Variants in VPS8 observed in about 807,000 individuals in gnomAD.
VPS8 encodes the protein VPS8 subunit of CORVET complex.
Under a neutral mutation model 216.4 loss-of-function variants are expected in VPS8, and 129 were observed. The ratio of observed to expected loss-of-function variants is 0.60; its 90% CI spans 0.52 to 0.69. VPS8 has a LOEUF of 0.69. VPS8 is among the 30% of genes least tolerant of loss of function. The pLI, the probability that VPS8 is intolerant of heterozygous loss-of-function variation, is 0.00. For missense variants in VPS8, 1,531 were observed against 1,683.5 expected, an observed-to-expected ratio of 0.91 and a Z score of 1.59; for synonymous variants, 571 against 565.4, an observed-to-expected ratio of 1.01 and a Z score of -0.14.
chr3:184,924,861 G>T lies in VPS8; in HGVS notation c.2455-1G>T. The T allele has an allele frequency of 6.2e-7, 1 of 1,611,342 alleles. No homozygotes were observed. The highest frequency in any genetic ancestry group is 8.5e-7 in the Non-Finnish European group (1 of 1,179,252). On this transcript the variant is annotated splice_acceptor_variant, in intron 29 of 47. Coordinates refer to ENST00000625842, the MANE Select transcript of VPS8 (RefSeq NM_001009921.3). LOFTEE classifies it high-confidence loss of function. ...AATAAATGGTCTCCTTTGCTCTTCA[G>T]GTTATGGTGGAGAATTCAGACTTTA... is the stretch of plus-strand genomic sequence containing the variant.
At chr3:184,988,801 G>A (rs1043952503) in intron 42 of VPS8, among the ~76,000 whole-genome samples, 1 of 152,126 alleles carries the variant, frequency 6.6e-6, no homozygotes, top group East Asian at 1.9e-4. Context: ...ATTTCTCCAT[G>A]TATTTAGATC....
intron 39 of VPS8, among the ~76,000 whole-genome samples, chr3:184,967,429 TAC>T (rs1279709694): frequency 1.3e-5 from 2 of 152,206 alleles, no homozygotes; most frequent in East Asian, 3.8e-4. Flanking sequence ...ACCGAATTTA[TAC>T]AGTTTTAACC....
intron 31 of VPS8, among the ~76,000 whole-genome samples, chr3:184,927,916 G>A (rs1578284898): frequency 6.6e-6 from 1 of 152,124 alleles, no homozygotes; most frequent in Admixed American, 6.5e-5. Context: ...TCTTCCTACT[G>A]AACAGTATTC....
chr3:185,030,523 C>T (rs369662478), intron 46 of VPS8, among the ~76,000 whole-genome samples: 96 of 152,234 alleles, frequency 6.3e-4, no homozygotes, highest in East Asian at 4.1e-3. Flanking sequence ...GGACAATGCA[C>T]AGGGAATGAG....
chr3:184,836,731 A>G (rs1236073950), intron 5 of VPS8, among the ~76,000 whole-genome samples: 2 of 152,180 alleles, frequency 1.3e-5, no homozygotes, highest in African/African-American at 2.4e-5. Flanking sequence ...TTCTCCCTGA[A>G]TAATTGCTCA....
chr3:184,835,849 A>G (rs373704655), intron 5 of VPS8, among the ~76,000 whole-genome samples: 1 of 151,628 alleles, frequency 6.6e-6, no homozygotes, highest in Non-Finnish European at 1.5e-5. Context: ...AGCTGGGACT[A>G]CAGGCGCCTG....
chr3:185,028,395 G>A (rs1757678596), intron 46 of VPS8, among the ~76,000 whole-genome samples: 1 of 152,180 alleles, frequency 6.6e-6, no homozygotes, highest in Non-Finnish European at 1.5e-5. Context: ...TGTCAGAAAT[G>A]GGAATGGTTC....
Position 184,896,003 on chromosome 3 carries a change from C to T in VPS8, c.2004+1078C>T, listed in dbSNP as rs528540607. Among the ~76,000 whole-genome samples the T allele has an allele frequency of 2.0e-5, 3 of 151,832 alleles. No individual in the cohort carries two copies. The South Asian group carries it at 6.2e-4, about 32-fold the overall frequency. ...TGTTACTCCTGCAAAGGTGCCAAGC[C>T]CTCTTGAGCTTGAATATGGAAGACT... On this transcript the variant is annotated intron_variant, in intron 23 of 47. Coordinates refer to ENST00000625842, the MANE Select transcript of VPS8 (RefSeq NM_001009921.3).
chr3:184,956,210 G>A (rs1358042632), intron 36 of VPS8, among the ~76,000 whole-genome samples: 1 of 152,102 alleles, frequency 6.6e-6, no homozygotes, highest in East Asian at 1.9e-4. Flanking sequence ...CATCACTTAT[G>A]AATAATCACA....
intron 25 of VPS8, among the ~76,000 whole-genome samples, chr3:184,903,838 A>G (rs991120708): frequency 6.6e-6 from 1 of 151,810 alleles, no homozygotes; most frequent in African/African-American, 2.4e-5. Context: ...CTGTACATCA[A>G]TTTTATTACT....
At chr3:184,933,214 A>T (rs1178329530) in intron 34 of VPS8, among the ~76,000 whole-genome samples, 3 of 151,988 alleles carry the variant, frequency 2.0e-5, no homozygotes, top group African/African-American at 7.3e-5. Context: ...GTTCCTATGG[A>T]CTCTATATCC....
chr3:184,982,292 C>A (rs1750337486), intron 40 of VPS8: 2 of 373,076 alleles, frequency 5.4e-6, no homozygotes, highest in Non-Finnish European at 9.6e-6. Flanking sequence ...GATTGCAGTT[C>A]CGAGGCCTAG....
intron 45 of VPS8, among the ~76,000 whole-genome samples, chr3:185,000,695 G>A (rs535010815): frequency 1.3e-5 from 2 of 149,388 alleles, no homozygotes; most frequent in South Asian, 2.1e-4. Context: ...TGCAAGCTCC[G>A]TCTCCTGGGT....
In VPS8 at chr3:184,854,196, T is replaced by C. The variant is rs1051776948; in HGVS notation, c.1035+23T>C. On this transcript the variant is annotated intron_variant, in intron 13 of 47. Transcript: ENST00000625842. ...CGGGTGAGTACGTCCCTCCATCTTATTTGCCAAAGGAAGGACCATGTCAGG... is the reference window on the plus strand; with the variant it reads ...CGGGTGAGTACGTCCCTCCATCTTACTTGCCAAAGGAAGGACCATGTCAGG... The C allele has an allele frequency of 3.1e-6, 5 of 1,612,902 alleles. No individual in the cohort carries two copies. In the African/African-American group the frequency reaches 5.3e-5, roughly 17 times the overall value.
intron 42 of VPS8, among the ~76,000 whole-genome samples, chr3:184,991,194 T>A (rs1751852970): frequency 6.6e-6 from 1 of 152,094 alleles, no homozygotes; most frequent in Non-Finnish European, 1.5e-5. Flanking sequence ...CAGAAAGCAA[T>A]AGGAAAAAAA....
chr3:184,905,197 T>C (rs777017431), intron 25 of VPS8, among the ~76,000 whole-genome samples: 5 of 152,142 alleles, frequency 3.3e-5, no homozygotes, highest in Non-Finnish European at 7.4e-5. Flanking sequence ...CTCCCAACAT[T>C]GTTGCATTGG....
chr3:185,052,087 C>T lies in VPS8; in HGVS notation c.*62C>T, dbSNP rs111337800. On this transcript the variant is annotated 3_prime_UTR_variant, in exon 48 of 48. Coordinates refer to ENST00000625842, the MANE Select transcript of VPS8 (RefSeq NM_001009921.3). ...GATCCCGAGGCAGCTGGGGAGAGGCCCCGCCTCTGGTGGGCTTGGCCTCCA... is the reference window on the plus strand; with the variant it reads ...GATCCCGAGGCAGCTGGGGAGAGGCTCCGCCTCTGGTGGGCTTGGCCTCCA... 1.2e-3 allele frequency: 1,776 copies of T among 1,522,594 alleles called. 23 individuals carry two copies. The African/African-American group carries it at 0.021, about 18-fold the overall frequency. The allele number at this position is 1,522,594 out of a possible 1,614,324, so 94.3% of individuals were successfully genotyped here.
chr3:184,978,147 T>G (rs1047964686), intron 40 of VPS8, among the ~76,000 whole-genome samples: 1 of 152,084 alleles, frequency 6.6e-6, no homozygotes, highest in Non-Finnish European at 1.5e-5. Flanking sequence ...TTCAGTTTCT[T>G]TCTGGTTCCA....
intron 19 of VPS8, 66 bp downstream of exon 19, chr3:184,869,102 A>G: frequency 7.0e-7 from 1 of 1,432,752 alleles, no homozygotes. Context: ...GGTTAGTACT[A>G]ACCACTCATA....
Sources: gnomAD v4.1 joint callset for allele counts (sites outside exome capture counted in the v4.1 genomes callset) on GRCh38, gnomAD v4.1.1 for gene constraint, MANE v1.5 for transcripts, NCBI Gene and HGNC (gene_info 2026-07-23, HGNC 2026-07-21) for gene names.